Variants in SRBD1 observed in about 807,000 individuals in gnomAD.
SRBD1 encodes the protein S1 RNA binding domain 1, also known as S1 RNA-binding domain-containing protein 1.
SRBD1 carries 88 observed loss-of-function variants against 115.3 expected under a neutral mutation model. The ratio of observed to expected loss-of-function variants is 0.76; its 90% CI spans 0.64 to 0.91. The LOEUF is 0.91. Ranked by LOEUF, SRBD1 falls within the 40% of genes least tolerant of loss-of-function variation. SRBD1 has a pLI of 0.00. For synonymous variants in SRBD1, 509 were observed against 407.7 expected, an observed-to-expected ratio of 1.25 and a Z score of -2.99; for missense variants, 1,385 against 1,177.4, an observed-to-expected ratio of 1.18 and a Z score of -2.58.
At chr2:45,402,770 G>C (rs536014153) in intron 19 of SRBD1, among the ~76,000 whole-genome samples, 7 of 152,108 alleles carry the variant, frequency 4.6e-5, no homozygotes, top group Non-Finnish European at 7.4e-5. Flanking sequence ...CAGATTCTCT[G>C]GGAGAGTGCC....
intron 15 of SRBD1, among the ~76,000 whole-genome samples, chr2:45,487,496 T>C (rs1670155741): frequency 6.6e-6 from 1 of 152,152 alleles, no homozygotes; most frequent in East Asian, 1.9e-4. Flanking sequence ...GACTGGTCAT[T>C]TGACAAATAT....
At chr2:45,559,597 A>G (rs1357131901) in intron 10 of SRBD1, among the ~76,000 whole-genome samples, 2 of 152,202 alleles carry the variant, frequency 1.3e-5, no homozygotes, top group Non-Finnish European at 2.9e-5. Context: ...ACTTGAATGG[A>G]TAAGTACATA....
chr2:45,421,462 G>A (rs185796974), intron 16 of SRBD1, among the ~76,000 whole-genome samples: 22 of 125,490 alleles, frequency 1.8e-4, no homozygotes, highest in African/African-American at 5.4e-4. Flanking sequence ...AGCGTAGATC[G>A]TGCCACTGCA....
rs1670180399 is a variant in SRBD1 at position 45,488,243 on chromosome 2, C to T, written c.1963G>A (p.Ala655Thr). The T allele has an allele frequency of 6.2e-7, 1 of 1,613,420 alleles. No homozygotes were observed. The highest frequency in any genetic ancestry group is 1.1e-5 in the South Asian group (1 of 91,030). ...GTGATGGTCCATAGTTTCTTACCTGCACTTCTCAAATTAGGGTCCAGCCCT... is the reference window on the plus strand; with the variant it reads ...GTGATGGTCCATAGTTTCTTACCTGTACTTCTCAAATTAGGGTCCAGCCCT... Reference protein sequence around the residue: ...MPGLDPNLRSAVSIARRVQDP... With the variant: ...MPGLDPNLRSTVSIARRVQDP... The change falls in exon 15 of 21, where the codon GCA becomes ACA. Residue 655 changes from alanine (A) to threonine (T), a missense_variant. Physicochemically the swap from Ala to Thr is moderately conservative, Grantham distance 58. Transcript: ENST00000263736.
intron 16 of SRBD1, among the ~76,000 whole-genome samples, chr2:45,422,527 T>A (rs1668036408): frequency 6.6e-6 from 1 of 152,232 alleles, no homozygotes; most frequent in South Asian, 2.1e-4. Flanking sequence ...GCATATTGTA[T>A]ATACCCTTAA....
chr2:45,493,805 T>A, intron 14 of SRBD1, among the ~76,000 whole-genome samples: 1 of 147,000 alleles, frequency 6.8e-6, no homozygotes. Context: ...GAATGAAACT[T>A]CAACTCAAAA....
chr2:45,497,828 A>T (rs1229742569), intron 14 of SRBD1, among the ~76,000 whole-genome samples: 1 of 152,038 alleles, frequency 6.6e-6, no homozygotes, highest in Admixed American at 6.6e-5. Flanking sequence ...CGAGGTCAGG[A>T]GTTCAAGACC....
intron 16 of SRBD1, among the ~76,000 whole-genome samples, chr2:45,442,310 A>G (rs920012980): frequency 1.3e-5 from 2 of 152,218 alleles, no homozygotes; most frequent in African/African-American, 4.8e-5. Context: ...TGGTACAGAC[A>G]CATACCTTGA....
At chr2:45,535,944 C>G (rs572405363) in intron 14 of SRBD1, among the ~76,000 whole-genome samples, 2 of 152,112 alleles carry the variant, frequency 1.3e-5, no homozygotes, top group East Asian at 1.9e-4. Context: ...CTATTTTTAA[C>G]AGATCAGTAA....
chr2:45,542,244 C>T (rs775948805), intron 14 of SRBD1, among the ~76,000 whole-genome samples: 2 of 152,242 alleles, frequency 1.3e-5, no homozygotes, highest in Non-Finnish European at 2.9e-5. Flanking sequence ...CTGTCCAGGT[C>T]GCAACAGTGC....
At chr2:45,418,684 A>AAAC (rs769836897) in intron 17 of SRBD1, 143 bp from the exon 18 acceptor site, 9 of 754,670 alleles carry the variant, frequency 1.2e-5, no homozygotes, top group Admixed American at 3.9e-5. Context: ...TTTAAAAAAA[A>AAAC]AAACAAAAAA....
chr2:45,538,459 C>T (rs565566022), intron 14 of SRBD1, among the ~76,000 whole-genome samples: 5 of 152,132 alleles, frequency 3.3e-5, no homozygotes, highest in East Asian at 1.9e-4. Context: ...CTGCAAATCC[C>T]GATAGTGAAG....
At chr2:45,548,773 T>C (rs187560161) in intron 12 of SRBD1, among the ~76,000 whole-genome samples, 2 of 144,144 alleles carry the variant, frequency 1.4e-5, no homozygotes. Context: ...ATGAACAGCA[T>C]AAAAAGACAA....
chr2:45,419,993 C>A, intron 16 of SRBD1, 99 bp from the exon 17 acceptor site: 1 of 1,068,126 alleles, frequency 9.4e-7, no homozygotes, highest in Non-Finnish European at 1.4e-6. Flanking sequence ...TAACACACAC[C>A]ATGGTAAATT....
chr2:45,578,687 A>G (rs2104170641), intron 7 of SRBD1, among the ~76,000 whole-genome samples: 1 of 152,324 alleles, frequency 6.6e-6, no homozygotes, highest in East Asian at 1.9e-4. Flanking sequence ...AGGACAAAAG[A>G]AACTGGAGGT....
chr2:45,513,125 C>T (rs1458824215), intron 14 of SRBD1, among the ~76,000 whole-genome samples: 1 of 152,156 alleles, frequency 6.6e-6, no homozygotes, highest in African/African-American at 2.4e-5. Context: ...AAACTCTTTC[C>T]TTCCTGGCCC....
intron 4 of SRBD1, among the ~76,000 whole-genome samples, chr2:45,589,316 T>C (rs920253893): frequency 6.6e-6 from 1 of 152,032 alleles, no homozygotes; most frequent in Non-Finnish European, 1.5e-5. Context: ...AAAATATTAA[T>C]CCAAATAAGT....
chr2:45,405,456 C>T (rs1180148127), intron 19 of SRBD1, among the ~76,000 whole-genome samples: 2 of 152,058 alleles, frequency 1.3e-5, no homozygotes, highest in South Asian at 2.1e-4. Context: ...CTAAGATATT[C>T]ATGAGAAAAT....
At chr2:45,520,981 G>T (rs919400067) in intron 14 of SRBD1, among the ~76,000 whole-genome samples, 13 of 152,138 alleles carry the variant, frequency 8.5e-5, no homozygotes, top group African/African-American at 3.1e-4. Context: ...CTCTGAGCTG[G>T]TTAACACTTA....
Sources: allele counts gnomAD v4.1 joint callset (sites outside exome capture counted in the v4.1 genomes callset), GRCh38; gene constraint gnomAD v4.1.1; transcripts MANE v1.5; gene names NCBI Gene and HGNC (gene_info 2026-07-23, HGNC 2026-07-21).